DAGLA: variants seen among roughly 807,000 people sequenced by gnomAD.
DAGLA encodes diacylglycerol lipase-alpha.
Under a neutral mutation model 102.6 loss-of-function variants are expected in DAGLA, and 22 were observed. The observed-to-expected ratio is 0.21, with a 90% CI of 0.15 to 0.31. The LOEUF (loss-of-function observed/expected upper bound fraction) is 0.31. DAGLA is among the 10% of genes least tolerant of loss of function. The pLI is 1.00. For synonymous variants in DAGLA, 578 were observed against 628.9 expected, an observed-to-expected ratio of 0.92 and a Z score of 1.21; for missense variants, 927 against 1,446.6, an observed-to-expected ratio of 0.64 and a Z score of 5.83.
chr11:61,729,131 C>G lies in DAGLA; in HGVS notation c.849+123C>G, dbSNP rs2065354647. 4 of 821,636 alleles carry G rather than the reference C, an allele frequency of 4.9e-6. No homozygotes were observed. The Admixed American group carries it at 8.0e-5, about 17-fold the overall frequency. 50.9% of individuals were successfully genotyped at this position (821,636 alleles called of 1,614,324 possible). ...AGCCACATTGCCCCTGCCCGGTCTC[C>G]CCCCGGCTCTCCAGAGAGCCTCTCT... On this transcript the variant is annotated intron_variant, in intron 8 of 19. Transcript: ENST00000257215.
rs569179981 is a variant in DAGLA, at chr11:61,701,099, A to G, written c.-44-19013A>G. ...ACTTGCCCACACCTCTTGAATGGCCAGGCCCCATGTCCAGCCTGGATTCTC... is the reference window on the plus strand; with the variant it reads ...ACTTGCCCACACCTCTTGAATGGCCGGGCCCCATGTCCAGCCTGGATTCTC... On this transcript the variant is annotated intron_variant, in intron 1 of 19. Coordinates refer to ENST00000257215, the MANE Select transcript of DAGLA (RefSeq NM_006133.3). Among the ~76,000 whole-genome samples the G allele has an allele frequency of 2.1e-3, 315 of 152,368 alleles. 6 individuals are homozygous for G. The South Asian group carries it at 0.03, about 15-fold the overall frequency.
chr11:61,727,276 C>G (rs951341246), intron 6 of DAGLA, among the ~76,000 whole-genome samples: 1 of 152,258 alleles, frequency 6.6e-6, no homozygotes, highest in Non-Finnish European at 1.5e-5. Flanking sequence ...GTGAAGTGGG[C>G]CCTGGAGGGC....
intron 1 of DAGLA, among the ~76,000 whole-genome samples, chr11:61,702,662 T>G (rs1033409013): frequency 2.0e-5 from 3 of 152,230 alleles, no homozygotes; most frequent in African/African-American, 7.2e-5. Flanking sequence ...GGGAGAGGGC[T>G]TCAGTCTCCT....
chr11:61,695,070 C>T (rs538907188), intron 1 of DAGLA, among the ~76,000 whole-genome samples: 1 of 152,300 alleles, frequency 6.6e-6, no homozygotes, highest in African/African-American at 2.4e-5. Context: ...TTTTCCTAGC[C>T]CAGGGAGCCT....
chr11:61,681,353 C>G (rs2064940775), intron 1 of DAGLA, among the ~76,000 whole-genome samples: 1 of 152,144 alleles, frequency 6.6e-6, no homozygotes, highest in African/African-American at 2.4e-5. Flanking sequence ...CAGGCACTAC[C>G]GTTGTCCTGG....
chr11:61,688,239 C>A (rs1370798389), intron 1 of DAGLA, among the ~76,000 whole-genome samples: 1 of 149,132 alleles, frequency 6.7e-6, no homozygotes, highest in East Asian at 2.0e-4. Context: ...GGCGTGAATC[C>A]GGGAGGCGGA....
chr11:61,731,177 C>T (rs568683812), intron 8 of DAGLA, 140 bp from the exon 9 acceptor site: 1 of 926,200 alleles, frequency 1.1e-6, no homozygotes, highest in Non-Finnish European at 1.6e-6. Flanking sequence ...AAGGCCTGGG[C>T]CCCACACCTC....
At chr11:61,723,074 G>C in intron 4 of DAGLA, 114 bp downstream of exon 4, 1 of 871,490 alleles carries the variant, frequency 1.1e-6, no homozygotes, top group Non-Finnish European at 1.8e-6. Context: ...CTTCTGTGGG[G>C]GCACCAGCAG....
chr11:61,702,933 C>T (rs529734298), intron 1 of DAGLA, among the ~76,000 whole-genome samples: 10 of 152,334 alleles, frequency 6.6e-5, no homozygotes, highest in Admixed American at 5.2e-4. Context: ...CTCCCTGCCT[C>T]GCCCACAGCG....
At chr11:61,712,681 C>G (rs1482897430) in intron 1 of DAGLA, among the ~76,000 whole-genome samples, 1 of 152,204 alleles carries the variant, frequency 6.6e-6, no homozygotes, top group African/African-American at 2.4e-5. Flanking sequence ...GCACGTGGCC[C>G]CCAGCCCACA....
chr11:61,713,694 C>T (rs967054186), intron 1 of DAGLA, among the ~76,000 whole-genome samples: 3 of 152,242 alleles, frequency 2.0e-5, no homozygotes, highest in Non-Finnish European at 4.4e-5. Flanking sequence ...GGTGAGCCCA[C>T]CCTAGCTGGG....
chr11:61,731,566 C>T (rs1479747683), intron 9 of DAGLA, 125 bp downstream of exon 9: 20 of 1,298,700 alleles, frequency 1.5e-5, no homozygotes, highest in Admixed American at 7.9e-5. Flanking sequence ...CTTCTCTGGG[C>T]CTCAACCTTT....
Position 61,744,076 on chromosome 11 carries a change from C to G in DAGLA, c.2716C>G (p.Pro906Ala), listed in dbSNP as rs2065512155. 1 of 1,612,872 alleles carries G rather than the reference C, an allele frequency of 6.2e-7. No individual in the cohort carries two copies. Among genetic ancestry groups the G allele is most frequent in the East Asian group, 2.2e-5 (1 of 44,876 alleles). The change falls in exon 20 of 20, where the codon CCC becomes GCC. Residue 906 changes from proline to alanine, a missense_variant. Coordinates refer to ENST00000257215, the MANE Select transcript of DAGLA (RefSeq NM_006133.3). ...ALHNGRLGDS[P>A]SPQVLEFAEF... Reference sequence around the variant, plus strand: ...GCACAATGGGCGCCTGGGGGACTCGCCCAGTCCTCAGGTGCTGGAATTCGC... The same window carrying G: ...GCACAATGGGCGCCTGGGGGACTCGGCCAGTCCTCAGGTGCTGGAATTCGC...
rs920632676 is a variant in DAGLA, at chr11:61,702,992, GGCT to G, written c.-44-17119_-44-17117del. ...TGCATATGTGGGCAGTTCAGGATAGGGCTTTGGATCCCAGGCATGGCCAGCAGA... is the reference window on the plus strand; with the variant it reads ...TGCATATGTGGGCAGTTCAGGATAGGTTGGATCCCAGGCATGGCCAGCAGA... On this transcript the variant is annotated intron_variant, in intron 1 of 19. Coordinates refer to ENST00000257215, the MANE Select transcript of DAGLA (RefSeq NM_006133.3). 1.3e-4 allele frequency among the ~76,000 whole-genome samples: 20 copies of G among 152,202 alleles called. 1 individual carries two copies.
chr11:61,739,576 A>G lies in DAGLA; in HGVS notation c.1768A>G (p.Thr590Ala). 6.2e-7 allele frequency: 1 copy of G among 1,613,898 alleles called. No homozygotes were observed. Among genetic ancestry groups the G allele is most frequent in the Non-Finnish European group, 8.5e-7 (1 of 1,179,958 alleles). The stretch of plus-strand genomic sequence containing the variant: ...GCTCTGGACCCACCCCAGCGACCTA[A>G]CTATAGCCCTCTCAGCCAGCACTCC... ...TRLWTHPSDL[T>A]IALSASTPLY... is the part of the protein sequence containing the mutation. The change falls in exon 17 of 20, where the codon ACT becomes GCT. Residue 590 changes from threonine to alanine, a missense_variant. By Grantham distance (58) the Thr-to-Ala change is moderately conservative. Around this residue, in one of 4 missense-constraint regions of DAGLA, gnomAD observed 218 missense variants for 459.6 expected, o/e 0.47. Coordinates refer to ENST00000257215, the MANE Select transcript of DAGLA (RefSeq NM_006133.3).
chr11:61,702,948 C>T (rs962177756), intron 1 of DAGLA, among the ~76,000 whole-genome samples: 1 of 152,232 alleles, frequency 6.6e-6, no homozygotes, highest in Non-Finnish European at 1.5e-5. Context: ...ACAGCGTGGT[C>T]GTTGGTAGCC....
intron 1 of DAGLA, among the ~76,000 whole-genome samples, chr11:61,698,419 C>T (rs2065083259): frequency 6.6e-6 from 1 of 152,236 alleles, no homozygotes; most frequent in Non-Finnish European, 1.5e-5. Flanking sequence ...AGTTCCGGTG[C>T]ACTTCCCTTT....
chr11:61,707,271 G>A (rs1376132465), intron 1 of DAGLA, among the ~76,000 whole-genome samples: 2 of 152,258 alleles, frequency 1.3e-5, no homozygotes, highest in African/African-American at 4.8e-5. Flanking sequence ...AAGGCTGGGC[G>A]AGTCTCTTGG....
At chr11:61,710,771 T>G (rs2065188318) in intron 1 of DAGLA, among the ~76,000 whole-genome samples, 1 of 152,184 alleles carries the variant, frequency 6.6e-6, no homozygotes, top group African/African-American at 2.4e-5. Flanking sequence ...GTAAAGGTTC[T>G]GCGCACACTG....
Sources: allele counts gnomAD v4.1 joint callset (sites outside exome capture counted in the v4.1 genomes callset), GRCh38; gene constraint gnomAD v4.1.1; regional missense constraint gnomAD v4.1.1; transcripts MANE v1.5; gene names NCBI Gene and HGNC (gene_info 2026-07-23, HGNC 2026-07-21).